The following PCDHGB1 variants were observed in gnomAD, a reference collection of about 807,000 sequenced individuals.
PCDHGB1 encodes the protein protocadherin gamma subfamily B, 1.
A neutral mutation model predicts 56.6 loss-of-function variants in PCDHGB1; 34 were observed. The ratio of observed to expected loss-of-function variants is 0.60; its 90% CI spans 0.46 to 0.80. PCDHGB1 has a LOEUF of 0.80. Ranked by LOEUF, PCDHGB1 falls within the 30% of genes least tolerant of loss-of-function variation. PCDHGB1 has a pLI of 0.00. For synonymous variants in PCDHGB1, 561 were observed against 505.9 expected (o/e 1.11, Z -1.46); for missense variants, 1,278 against 1,204.6 (o/e 1.06, Z -0.90).
At chr5:141,404,521 G>A in intron 1 of PCDHGB1, 2 of 1,613,976 alleles carry the variant, frequency 1.2e-6, no homozygotes, top group Non-Finnish European at 1.7e-6. Flanking sequence ...TTGACTATGA[G>A]CAGTTTAGAG....
intron 1 of PCDHGB1, chr5:141,398,925 C>G (rs766149685): frequency 1.1e-5 from 17 of 1,613,966 alleles, no homozygotes; most frequent in Non-Finnish European, 1.4e-5. Flanking sequence ...AAGTGTCAGC[C>G]ACTGACCAAG....
intron 1 of PCDHGB1, chr5:141,409,280 T>C (rs1277414418): frequency 6.2e-7 from 1 of 1,613,904 alleles, no homozygotes; most frequent in Non-Finnish European, 8.5e-7. Context: ...TTTGGAGAAT[T>C]CACCTCCAGG....
rs1156927948 is a variant in PCDHGB1, at chr5:141,490,342, G to A, written c.2410-4465G>A. 16 of 1,614,126 alleles carry A rather than the reference G, an allele frequency of 9.9e-6. 1 individual carries two copies. In the Admixed American group the frequency reaches 1.3e-4, roughly 13 times the overall value. ...CCTAGAGAGCACACCAGTGGGCACA[G>A]TAGTGGGGTTGTTTAATGTGCGAGA... On this transcript the variant is annotated intron_variant, in intron 1 of 3. Coordinates refer to ENST00000523390, the MANE Select transcript of PCDHGB1 (RefSeq NM_018922.3). This position sits in a 1 kb window ranked among gnomAD's most constrained non-coding sequence, Gnocchi z 5.4.
intron 1 of PCDHGB1, chr5:141,399,459 C>A (rs897098728): frequency 6.2e-7 from 1 of 1,614,012 alleles, no homozygotes; most frequent in African/African-American, 1.3e-5. Flanking sequence ...TCAACGATAA[C>A]GCTCCGGTTT....
intron 1 of PCDHGB1, among the ~76,000 whole-genome samples, chr5:141,443,690 A>C (rs2098399415): frequency 6.6e-6 from 1 of 152,224 alleles, no homozygotes; most frequent in Non-Finnish European, 1.5e-5. Flanking sequence ...AACACTTCAA[A>C]AATTATAGAA....
Position 141,485,784 on chromosome 5 carries a change from A to G in PCDHGB1, c.2410-9023A>G, listed in dbSNP as rs760859851. The G allele has an allele frequency of 1.9e-6, 3 of 1,614,096 alleles. No individual in the cohort carries two copies. The African/African-American group carries it at 4.0e-5, about 22-fold the overall frequency. On this transcript the variant is annotated intron_variant, in intron 1 of 3. Transcript: ENST00000523390. This position sits in a 1 kb window ranked among gnomAD's most constrained non-coding sequence, Gnocchi z 5.7. Reference sequence around the variant, plus strand: ...CTGGAGAAGCCTTTGGATCGAGAGAAGCAATCGGACTACCGCCTGGTGCTG... The same window carrying G: ...CTGGAGAAGCCTTTGGATCGAGAGAGGCAATCGGACTACCGCCTGGTGCTG...
At chr5:141,385,196 G>A (rs760255338) in intron 1 of PCDHGB1, 3 of 1,614,230 alleles carry the variant, frequency 1.9e-6, no homozygotes, top group Non-Finnish European at 2.5e-6. Context: ...TCTCGGAAGA[G>A]TCACCTGATC....
At chr5:141,393,848 A>T (rs1368797606) in intron 1 of PCDHGB1, 6 of 1,614,008 alleles carry the variant, frequency 3.7e-6, no homozygotes, top group Non-Finnish European at 5.1e-6. Flanking sequence ...ACAATAGACC[A>T]GAAGTGATCA....
intron 1 of PCDHGB1, chr5:141,355,435 C>G: frequency 6.2e-7 from 1 of 1,614,106 alleles, no homozygotes; most frequent in South Asian, 1.1e-5. Context: ...CGCCCTGAAC[C>G]CGCGCAGCGG....
At chr5:141,441,831 C>T in intron 1 of PCDHGB1, 3 of 352,742 alleles carry the variant, frequency 8.5e-6, no homozygotes, top group South Asian at 7.2e-5. Context: ...AGCGCAATGG[C>T]TTCGCGCTCT....
intron 1 of PCDHGB1, among the ~76,000 whole-genome samples, chr5:141,458,112 A>C (rs2098937913): frequency 6.6e-6 from 1 of 152,208 alleles, no homozygotes; most frequent in Non-Finnish European, 1.5e-5. Context: ...ATAGTCTCCA[A>C]ATTTTAGAGG....
intron 1 of PCDHGB1, chr5:141,404,627 G>GC (rs2094548617): frequency 6.2e-7 from 1 of 1,614,026 alleles, no homozygotes; most frequent in Non-Finnish European, 8.5e-7. Flanking sequence ...GAATGACAAT[G>GC]CCCCAGAAAT....
In PCDHGB1 at chr5:141,476,401, G is replaced by A. The variant is rs772438777; in HGVS notation, c.2410-18406G>A. The A allele has an allele frequency of 1.9e-6, 3 of 1,614,054 alleles. No individual in the cohort carries two copies. Among genetic ancestry groups the A allele is most frequent in the African/African-American group, 2.7e-5 (2 of 74,926 alleles). On this transcript the variant is annotated intron_variant, in intron 1 of 3. Coordinates refer to ENST00000523390, the MANE Select transcript of PCDHGB1 (RefSeq NM_018922.3). This position sits in a 1 kb window ranked among gnomAD's most constrained non-coding sequence, Gnocchi z 7.6. ...TTGTGAACGACCGTCTGGATCGAGA[G>A]GAGCTGTGTGGGACACTGCCCTCTT...
chr5:141,509,320 C>T (rs1261653347), intron 3 of PCDHGB1, among the ~76,000 whole-genome samples: 2 of 152,194 alleles, frequency 1.3e-5, no homozygotes, highest in East Asian at 3.8e-4. Flanking sequence ...GGGAGAGAAG[C>T]TCTACTGCCA....
chr5:141,401,822 C>T (rs1340105226), intron 1 of PCDHGB1, among the ~76,000 whole-genome samples: 1 of 152,188 alleles, frequency 6.6e-6, no homozygotes, highest in Non-Finnish European at 1.5e-5. Flanking sequence ...TTACAAAGTG[C>T]TGAGATTTCT....
At chr5:141,415,641 T>TA (rs113784532) in intron 1 of PCDHGB1, 91,654 of 1,192,004 alleles carry the variant, frequency 0.077, 689 homozygotes, top group South Asian at 0.099. Context: ...TTACTTTTGT[T>TA]AAAAAAAAAA....
Position 141,364,525 on chromosome 5 carries a change from C to A in PCDHGB1, c.2409+11856C>A, listed in dbSNP as rs763615712. 3 of 1,614,062 alleles carry A rather than the reference C, an allele frequency of 1.9e-6. No individual in the cohort carries two copies. In the East Asian group the frequency reaches 6.7e-5, roughly 36 times the overall value. ...AGGAGCTGGCGGAGCGCGGAGTCCG[C>A]ATCGTCTCCAGAGGTAGGACGCAGC... is the stretch of plus-strand genomic sequence containing the variant. On this transcript the variant is annotated intron_variant, in intron 1 of 3. Transcript: ENST00000523390.
intron 1 of PCDHGB1, among the ~76,000 whole-genome samples, chr5:141,380,688 T>C (rs1176696155): frequency 6.6e-6 from 1 of 152,260 alleles, no homozygotes; most frequent in Non-Finnish European, 1.5e-5. Flanking sequence ...TGCTTTGTGT[T>C]CGGAGTAGTC....
Position 141,394,244 on chromosome 5 carries a change from C to G in PCDHGB1, c.2409+41575C>G, listed in dbSNP as rs371631729. Reference sequence around the variant, plus strand: ...CCTCCATCTTTTCCTTGACTGCACACGACCCCGACAGCCAGGAGAATGCCC... The same window carrying G: ...CCTCCATCTTTTCCTTGACTGCACAGGACCCCGACAGCCAGGAGAATGCCC... On this transcript the variant is annotated intron_variant, in intron 1 of 3. Coordinates refer to ENST00000523390, the MANE Select transcript of PCDHGB1 (RefSeq NM_018922.3). The G allele has an allele frequency of 1.2e-5, 19 of 1,613,820 alleles. No homozygotes were observed. Among genetic ancestry groups the G allele is most frequent in the Middle Eastern group, 1.6e-4 (1 of 6,084 alleles).
Sources: allele counts gnomAD v4.1 joint callset (sites outside exome capture counted in the v4.1 genomes callset), GRCh38; gene constraint gnomAD v4.1.1; non-coding constraint Gnocchi (gnomAD v3.1); transcripts MANE v1.5; gene names NCBI Gene and HGNC (gene_info 2026-07-23, HGNC 2026-07-21).